The following MGLL variants were observed in gnomAD, a reference collection of about 807,000 sequenced individuals.
MGLL encodes the protein lysophospholipase homolog.
MGLL carries 7 observed loss-of-function variants against 29.1 expected under a neutral mutation model. The ratio of observed to expected loss-of-function variants is 0.24; its 90% CI spans 0.14 to 0.45. The LOEUF (loss-of-function observed/expected upper bound fraction) is 0.45. Ranked by LOEUF, MGLL falls within the 20% of genes least tolerant of loss-of-function variation. MGLL has a pLI of 0.99. For synonymous variants in MGLL, 148 were observed against 168.3 expected, an observed-to-expected ratio of 0.88 and a Z score of 0.93; for missense variants, 356 against 413.6, an observed-to-expected ratio of 0.86 and a Z score of 1.21.
At chr3:127,742,940 G>A (rs372376968) in intron 3 of MGLL, among the ~76,000 whole-genome samples, 5 of 152,144 alleles carry the variant, frequency 3.3e-5, no homozygotes, top group East Asian at 1.9e-4. Context: ...TCAGCCTCTC[G>A]AGTAGCTGGG....
chr3:127,805,838 T>C (rs1429726192), intron 2 of MGLL, among the ~76,000 whole-genome samples: 1 of 152,226 alleles, frequency 6.6e-6, no homozygotes, highest in Non-Finnish European at 1.5e-5. Flanking sequence ...CAGAGAAGTA[T>C]CTAGCAACGT....
At chr3:127,722,668 T>A in intron 3 of MGLL, 102 bp from the exon 4 acceptor site, 1 of 1,496,618 alleles carries the variant, frequency 6.7e-7, no homozygotes, top group East Asian at 2.3e-5. Context: ...CCTGAGCGCC[T>A]GAATGTGTCA....
rs540170253 is a variant in MGLL at position 127,695,250 on chromosome 3, C to T, written c.601-60G>A. On this transcript the variant is annotated intron_variant, in intron 6 of 7. Transcript: ENST00000265052. ...GCAGGGCTCACTTCCATAAGCCAGG[C>T]CTATTTCCTGGTAGCTTTTCCTTCT... 157 of 1,521,998 alleles carry T rather than the reference C, an allele frequency of 1.0e-4. 1 individual carries two copies. In the East Asian group the frequency reaches 3.5e-3, roughly 34 times the overall value. 94.3% of individuals were successfully genotyped at this position (1,521,998 alleles called of 1,614,324 possible).
At chr3:127,765,654 C>A (rs1166927081) in intron 3 of MGLL, among the ~76,000 whole-genome samples, 1 of 152,234 alleles carries the variant, frequency 6.6e-6, no homozygotes, top group Non-Finnish European at 1.5e-5. Flanking sequence ...TTTTTAAAAA[C>A]AAGTTCAACA....
chr3:127,718,553 C>T (rs527611702), intron 5 of MGLL, among the ~76,000 whole-genome samples: 2 of 152,180 alleles, frequency 1.3e-5, no homozygotes, highest in African/African-American at 4.8e-5. Context: ...GGAAGGAGCA[C>T]CAAAAGGTTG....
chr3:127,758,156 T>G (rs1244079294), intron 3 of MGLL, among the ~76,000 whole-genome samples: 2 of 152,160 alleles, frequency 1.3e-5, no homozygotes. Flanking sequence ...TGGTCATCTG[T>G]GAGGCTCCTC....
chr3:127,785,281 C>T (rs952213644), intron 2 of MGLL, among the ~76,000 whole-genome samples: 1 of 152,192 alleles, frequency 6.6e-6, no homozygotes, highest in Non-Finnish European at 1.5e-5. Flanking sequence ...TCTGGCCGGC[C>T]CTTCCCAGCT....
chr3:127,743,676 C>G (rs889807108), intron 3 of MGLL, among the ~76,000 whole-genome samples: 1 of 147,844 alleles, frequency 6.8e-6, no homozygotes, highest in Non-Finnish European at 1.5e-5. Context: ...ATGTGTTAGA[C>G]AAGAACTGCG....
chr3:127,767,102 C>A (rs576322242), intron 3 of MGLL, among the ~76,000 whole-genome samples: 3 of 151,638 alleles, frequency 2.0e-5, no homozygotes, highest in East Asian at 1.9e-4. Context: ...AAAAAAACCC[C>A]AAAAAACTAG....
At chr3:127,735,221 T>C (rs1233650544) in intron 3 of MGLL, among the ~76,000 whole-genome samples, 2 of 152,194 alleles carry the variant, frequency 1.3e-5, no homozygotes, top group Non-Finnish European at 2.9e-5. Flanking sequence ...GAGAAACTAG[T>C]ACAACCCCCT....
intron 6 of MGLL, among the ~76,000 whole-genome samples, chr3:127,707,397 T>C (rs553668569): frequency 6.6e-6 from 1 of 152,366 alleles, no homozygotes; most frequent in South Asian, 2.1e-4. Flanking sequence ...TAGAATCACG[T>C]TCAAGGCTTC....
intron 3 of MGLL, among the ~76,000 whole-genome samples, chr3:127,777,585 T>A (rs1376104743): frequency 6.6e-6 from 1 of 151,660 alleles, no homozygotes; most frequent in Non-Finnish European, 1.5e-5. Context: ...TGTTAGAACA[T>A]GAGGCTGGAG....
Position 127,821,741 on chromosome 3 carries a change from G to T in MGLL, c.108C>A (p.Asp36Glu). ...YQDLPHLVNADGQYLFCRYWK... is the reference protein window; with the variant it reads ...YQDLPHLVNAEGQYLFCRYWK... ...AGTACCTGCAGAAGAGGTACTGTCC[G>T]TCTGCATTGACCAGGTGAGGGAGGT... Residue 36 changes from aspartate (D) to glutamate (E), a missense_variant, in exon 2 of 8, where the codon GAC becomes GAA. Physicochemically the swap from Asp to Glu is conservative, Grantham distance 45. Coordinates refer to ENST00000265052, the MANE Select transcript of MGLL (RefSeq NM_007283.7). 6.2e-7 allele frequency: 1 copy of T among 1,614,130 alleles called. No homozygotes were observed. Among genetic ancestry groups the T allele is most frequent in the Non-Finnish European group, 8.5e-7 (1 of 1,179,998 alleles).
At chr3:127,758,762 T>A (rs2076708205) in intron 3 of MGLL, among the ~76,000 whole-genome samples, 1 of 152,196 alleles carries the variant, frequency 6.6e-6, no homozygotes, top group Non-Finnish European at 1.5e-5. Flanking sequence ...ATGGGTCGAT[T>A]TTTCATATCA....
chr3:127,777,994 A>T (rs1003275590), intron 3 of MGLL, among the ~76,000 whole-genome samples: 3 of 152,230 alleles, frequency 2.0e-5, no homozygotes, highest in Non-Finnish European at 4.4e-5. Context: ...ACAAAGTTAA[A>T]TTAGATGCTT....
intron 3 of MGLL, among the ~76,000 whole-genome samples, chr3:127,759,429 C>A (rs929327911): frequency 5.9e-5 from 9 of 151,858 alleles, no homozygotes; most frequent in Admixed American, 2.6e-4. Flanking sequence ...CTCTCAGCAC[C>A]GTGCCTGGTA....
At chr3:127,783,541 C>T (rs1360208614) in intron 2 of MGLL, among the ~76,000 whole-genome samples, 2 of 152,252 alleles carry the variant, frequency 1.3e-5, no homozygotes, top group Non-Finnish European at 2.9e-5. Flanking sequence ...CCTCATTCAA[C>T]AGCTGTGTTC....
intron 2 of MGLL, among the ~76,000 whole-genome samples, chr3:127,812,704 T>C (rs1204378967): frequency 2.6e-5 from 4 of 152,144 alleles, no homozygotes; most frequent in Non-Finnish European, 5.9e-5. Flanking sequence ...GACAAAGGAA[T>C]CAAGAGAGTT....
In MGLL at chr3:127,763,995, T is replaced by C. The variant is rs112950630; in HGVS notation, c.262+17794A>G. Among the ~76,000 whole-genome samples the C allele has an allele frequency of 2.7e-3, 410 of 152,230 alleles. 4 individuals carry two copies. Among genetic ancestry groups the C allele is most frequent in the African/African-American group, 9.5e-3 (393 of 41,528 alleles). ...CACCTCCACCCTCCTCCCTCCCGGC[T>C]CTCAGGCGCTCCTCCAGCTTCTCGG... On this transcript the variant is annotated intron_variant, in intron 3 of 7. Transcript: ENST00000265052.
Sources: gnomAD v4.1 joint callset for allele counts (sites outside exome capture counted in the v4.1 genomes callset) on GRCh38, gnomAD v4.1.1 for gene constraint, MANE v1.5 for transcripts, NCBI Gene and HGNC (gene_info 2026-07-23, HGNC 2026-07-21) for gene names.